PRKCB: variants seen among roughly 807,000 people sequenced by gnomAD.
PRKCB encodes protein kinase C beta type.
In PRKCB, 13 loss-of-function variants were observed where a neutral mutation model predicts 81.5. The observed-to-expected ratio is 0.16, with a 90% CI of 0.10 to 0.25. The LOEUF (loss-of-function observed/expected upper bound fraction) is 0.25, where lower values mean the gene tolerates loss of function less well. Among genes scored for constraint, PRKCB ranks in the 10% least tolerant of loss-of-function variants. The pLI is 1.00. For missense variants in PRKCB, 509 were observed against 875.7 expected, an observed-to-expected ratio of 0.58 and a Z score of 5.29; for synonymous variants, 335 against 321.4, an observed-to-expected ratio of 1.04 and a Z score of -0.45.
At chr16:23,885,543 G>C (rs1963185439) in intron 2 of PRKCB, among the ~76,000 whole-genome samples, 1 of 152,088 alleles carries the variant, frequency 6.6e-6, no homozygotes, top group Non-Finnish European at 1.5e-5. Flanking sequence ...TCCTGACCTA[G>C]TGATCTACCT....
chr16:23,839,227 A>G (rs1311055510), intron 2 of PRKCB, among the ~76,000 whole-genome samples: 3 of 151,938 alleles, frequency 2.0e-5, no homozygotes, highest in Admixed American at 6.6e-5. Flanking sequence ...TAAGAGAAAA[A>G]GGCAGAATTA....
chr16:23,920,921 A>G (rs1963815156), intron 2 of PRKCB, among the ~76,000 whole-genome samples: 1 of 152,224 alleles, frequency 6.6e-6, no homozygotes, highest in Non-Finnish European at 1.5e-5. Flanking sequence ...ATGGACTCAC[A>G]GTTCCACATG....
rs777415569 is a variant in PRKCB, at chr16:24,174,542, C to A, written c.1356C>A (p.Ile452=). 7 of 1,611,482 alleles carry A rather than the reference C, an allele frequency of 4.3e-6. No individual in the cohort carries two copies. Among genetic ancestry groups the A allele is most frequent in the Non-Finnish European group, 5.9e-6 (7 of 1,178,980 alleles). ...GATTTTACGCTGCAGAAATTGCCAT[C>A]GGTCTGTTCTTCTTACAGAGTAAGG... The part of the protein sequence containing the change: ...HAVFYAAEIA[I]GLFFLQSKGI... The change falls in exon 12 of 17, where the codon ATC becomes ATA. Residue 452 remains isoleucine, a synonymous_variant. Transcript: ENST00000643927.
chr16:23,837,864 C>A (rs1026742637), intron 2 of PRKCB, among the ~76,000 whole-genome samples: 2 of 152,190 alleles, frequency 1.3e-5, no homozygotes, highest in Admixed American at 1.3e-4. Context: ...ATGGTGCATC[C>A]CCTAGAAAGG....
chr16:24,128,931 T>C (rs1435790337), intron 9 of PRKCB, among the ~76,000 whole-genome samples: 1 of 152,180 alleles, frequency 6.6e-6, no homozygotes, highest in African/African-American at 2.4e-5. Context: ...GGAGTCAAAA[T>C]TATGCTGCAT....
intron 2 of PRKCB, among the ~76,000 whole-genome samples, chr16:23,951,630 C>T (rs113284577): frequency 1.9e-4 from 27 of 141,078 alleles, no homozygotes; most frequent in African/African-American, 7.2e-4. Context: ...GTTGCCCAGG[C>T]TGGTCTTAAA....
intron 2 of PRKCB, among the ~76,000 whole-genome samples, chr16:23,910,340 G>A (rs183421514): frequency 3.9e-5 from 6 of 152,242 alleles, no homozygotes; most frequent in African/African-American, 9.6e-5. Context: ...ATTTGGGGAC[G>A]GGGTGGTACT....
In PRKCB at chr16:24,212,461, C is replaced by CTTTTTTTTTTT. The variant is rs975667798; in HGVS notation, c.1864-2181_1864-2171dup. On this transcript the variant is annotated intron_variant, in intron 16 of 16. Transcript: ENST00000643927. ...CTCTCTCCTCCTGTGCTTTTTTTTC[C>CTTTTTTTTTTT]TTTTTTTTTTTTTTTTTTTTTTTTT... Among the ~76,000 whole-genome samples, 142 of 78,022 alleles carry CTTTTTTTTTTT rather than the reference C, an allele frequency of 1.8e-3. 7 individuals carry two copies. The highest frequency in any genetic ancestry group is 0.018 in the East Asian group (40 of 2,204). 51.2% of individuals were successfully genotyped at this position (78,022 alleles called of 152,430 possible). A position where few individuals can be genotyped will look rare whatever the true frequency, so the allele number is the denominator to read the frequency against.
chr16:23,969,712 A>G (rs1241436626), intron 2 of PRKCB, among the ~76,000 whole-genome samples: 1 of 152,168 alleles, frequency 6.6e-6, no homozygotes, highest in Non-Finnish European at 1.5e-5. Context: ...CACCATCTCC[A>G]TGGATCAGCT....
chr16:24,178,661 A>G (rs182265910), intron 12 of PRKCB, among the ~76,000 whole-genome samples: 7 of 152,348 alleles, frequency 4.6e-5, no homozygotes, highest in African/African-American at 1.7e-4. Flanking sequence ...TGGCTTGTAG[A>G]TGAGCATGAA....
At chr16:24,161,411 C>T (rs1373801137) in intron 10 of PRKCB, among the ~76,000 whole-genome samples, 1 of 151,950 alleles carries the variant, frequency 6.6e-6, no homozygotes, top group Non-Finnish European at 1.5e-5. Context: ...GGGGCATAAA[C>T]AAATCAAAAT....
intron 16 of PRKCB, among the ~76,000 whole-genome samples, chr16:24,205,394 A>C (rs1251723213): frequency 6.6e-6 from 1 of 151,888 alleles, no homozygotes; most frequent in Non-Finnish European, 1.5e-5. Flanking sequence ...ATCTCAAGTG[A>C]TCCTTCCACC....
At chr16:24,068,656 G>A (rs1371855317) in intron 5 of PRKCB, among the ~76,000 whole-genome samples, 1 of 152,118 alleles carries the variant, frequency 6.6e-6, no homozygotes, top group Non-Finnish European at 1.5e-5. Flanking sequence ...ATACAAAATA[G>A]ATTTAGAGTG....
Position 24,096,666 on chromosome 16 carries a change from A to AAAAAAAAAAAATAT in PRKCB, c.821+2370_821+2371insAAAAAAAAAATATA, listed in dbSNP as rs1406204037. Among the ~76,000 whole-genome samples, 174 of 32,332 alleles carry AAAAAAAAAAAATAT rather than the reference A, an allele frequency of 5.4e-3. 3 individuals are homozygous for AAAAAAAAAAAATAT. The highest frequency in any genetic ancestry group is 6.2e-3 in the Non-Finnish European group (100 of 16,204). The allele number at this position is 32,332 out of a possible 152,430, so 21.2% of individuals were successfully genotyped here. A position where few individuals can be genotyped will look rare whatever the true frequency, so the allele number is the denominator to read the frequency against. ...CCTTCCTATGGCAAAAAAAAAAAAA[A>AAAAAAAAAAAATAT]ATATATATATATATATATATATATA... On this transcript the variant is annotated intron_variant, in intron 7 of 16. Transcript: ENST00000643927.
intron 2 of PRKCB, among the ~76,000 whole-genome samples, chr16:23,982,034 C>A (rs1964730503): frequency 9.1e-6 from 1 of 110,086 alleles, no homozygotes; most frequent in Non-Finnish European, 1.9e-5. Context: ...TTCCCTTTCC[C>A]TTCACCTTCC....
chr16:23,980,355 T>G (rs1964679527), intron 2 of PRKCB, among the ~76,000 whole-genome samples: 1 of 152,240 alleles, frequency 6.6e-6, no homozygotes, highest in African/African-American at 2.4e-5. Flanking sequence ...GTGGGTCAGC[T>G]TTGACCTAGG....
chr16:24,080,182 A>G (rs1386201356), intron 5 of PRKCB, among the ~76,000 whole-genome samples: 1 of 152,226 alleles, frequency 6.6e-6, no homozygotes, highest in Non-Finnish European at 1.5e-5. Flanking sequence ...TTTCACCCAG[A>G]GAGGAAAAGT....
Position 24,113,072 on chromosome 16 carries a change from G to A in PRKCB, c.918+3G>A, listed in dbSNP as rs775914559. The A allele has an allele frequency of 1.9e-6, 3 of 1,607,222 alleles. No individual in the cohort carries two copies. Among genetic ancestry groups the A allele is most frequent in the East Asian group, 2.2e-5 (1 of 44,522 alleles). On this transcript the variant is annotated splice_donor_region_variant and intron_variant, in intron 8 of 16. Transcript: ENST00000643927. ...AAGAACTGCGGCAGAAATTTGAGGT[G>A]AGGTTTCTTTTCTTTTTCTCTTCTT...
intron 5 of PRKCB, among the ~76,000 whole-genome samples, chr16:24,055,846 T>A (rs1361711596): frequency 6.6e-6 from 1 of 152,146 alleles, no homozygotes; most frequent in East Asian, 1.9e-4. Flanking sequence ...TCAGTCTCTC[T>A]CTCTCTCGAA....
Sources: gnomAD v4.1 joint callset for allele counts (sites outside exome capture counted in the v4.1 genomes callset) on GRCh38, gnomAD v4.1.1 for gene constraint, MANE v1.5 for transcripts, NCBI Gene and HGNC (gene_info 2026-07-23, HGNC 2026-07-21) for gene names.